The following DIP2A variants were observed in gnomAD, a reference collection of about 807,000 sequenced individuals.
DIP2A encodes the protein DIP2 acetate--CoA ligase A.
In DIP2A, 85 loss-of-function variants were observed where a neutral mutation model predicts 177.4. That is an observed-to-expected ratio of 0.48 (90% confidence interval 0.40 to 0.57). The LOEUF is 0.57. Among genes scored for constraint, DIP2A ranks in the 20% least tolerant of loss-of-function variants. The pLI is 0.00. For missense variants in DIP2A, 1,791 were observed against 2,100.2 expected (o/e 0.85, Z 2.88); for synonymous variants, 886 against 881.8 (o/e 1.00, Z -0.08).
At position 46,533,849 on chromosome 21, in the gene DIP2A, G is replaced by A. The variant is rs142113070; in HGVS notation, c.1430-155G>A. Among the ~76,000 whole-genome samples the A allele has an allele frequency of 2.5e-4, 38 of 152,338 alleles. No individual in the cohort carries two copies. The East Asian group carries it at 6.8e-3, about 27-fold the overall frequency. ...CTAATGTGGTAGCCACTGGCCGGAT[G>A]TACCTTTTTAAATTATATAAAATGA... is the stretch of plus-strand genomic sequence containing the variant. On this transcript the variant is annotated intron_variant, in intron 11 of 37. Transcript: ENST00000417564.
At chr21:46,528,567 T>G (rs960211964) in intron 8 of DIP2A, among the ~76,000 whole-genome samples, 1 of 111,770 alleles carries the variant, frequency 8.9e-6, no homozygotes, top group Non-Finnish European at 1.9e-5. Flanking sequence ...TTTTTTTTTT[T>G]TAGATAATGT....
In DIP2A at chr21:46,543,769, A is replaced by G. The variant is rs151151112; in HGVS notation, c.2177-1368A>G. On this transcript the variant is annotated intron_variant, in intron 18 of 37. Coordinates refer to ENST00000417564, the MANE Select transcript of DIP2A (RefSeq NM_015151.4). ...TTGCCCCATCTCTGCATGTGCTTGT[A>G]AGTGTTGTGTGGCACTGATGGCTGC... 2.4e-3 allele frequency among the ~76,000 whole-genome samples: 371 copies of G among 152,274 alleles called. 1 individual carries two copies. The highest frequency in any genetic ancestry group is 3.6e-3 in the Non-Finnish European group (248 of 68,028).
At chr21:46,531,005 A>G (rs559982050) in intron 9 of DIP2A, among the ~76,000 whole-genome samples, 1 of 152,304 alleles carries the variant, frequency 6.6e-6, no homozygotes, top group South Asian at 2.1e-4. Context: ...TGCAGGACTC[A>G]GAAACGTTTG....
chr21:46,528,986 A>C (rs963051076), intron 8 of DIP2A, 106 bp from the exon 9 acceptor site: 1 of 602,928 alleles, frequency 1.7e-6, no homozygotes, highest in Non-Finnish European at 2.7e-6. Context: ...CTAAATTTCC[A>C]CTAATGGGGT....
chr21:46,530,782 C>A (rs1306383757), intron 9 of DIP2A, among the ~76,000 whole-genome samples: 1 of 151,930 alleles, frequency 6.6e-6, no homozygotes, highest in South Asian at 2.1e-4. Flanking sequence ...TTGCATAATA[C>A]GAGGGGTACA....
At chr21:46,519,961 G>A (rs1389621358) in intron 8 of DIP2A, among the ~76,000 whole-genome samples, 3 of 130,548 alleles carry the variant, frequency 2.3e-5, no homozygotes, top group South Asian at 2.7e-4. Context: ...TGCAAGCTCC[G>A]CCTCCAGGGT....
chr21:46,498,921 C>T lies in DIP2A; in HGVS notation c.655+88C>T, dbSNP rs2148533208. The T allele has an allele frequency of 6.9e-7, 1 of 1,455,368 alleles. No homozygotes were observed. Among genetic ancestry groups the T allele is most frequent in the Non-Finnish European group, 9.1e-7 (1 of 1,099,200 alleles). 90.2% of individuals were successfully genotyped at this position (1,455,368 alleles called of 1,614,324 possible). A position where few individuals can be genotyped will look rare whatever the true frequency, so the allele number is the denominator to read the frequency against. On this transcript the variant is annotated intron_variant, in intron 5 of 37. Coordinates refer to ENST00000417564, the MANE Select transcript of DIP2A (RefSeq NM_015151.4). This position sits in a 1 kb window ranked among gnomAD's most constrained non-coding sequence, Gnocchi z 4.3. ...AGGAGCAGATGGAGGGCACCTGAGC[C>T]AGGCGCCACCCTGCAGACTTAGCTG...
intron 3 of DIP2A, among the ~76,000 whole-genome samples, chr21:46,495,460 G>A (rs927070839): frequency 6.6e-6 from 1 of 151,810 alleles, no homozygotes; most frequent in Non-Finnish European, 1.5e-5. Context: ...TAGAGACAGG[G>A]TTTCTCCATG....
chr21:46,477,169 A>C (rs2055923372), intron 1 of DIP2A, among the ~76,000 whole-genome samples: 1 of 152,026 alleles, frequency 6.6e-6, no homozygotes, highest in Non-Finnish European at 1.5e-5. Context: ...AGCAACATTG[A>C]CTTAAGCTTA....
rs766054626 is a variant in DIP2A, at chr21:46,567,518, G to A, written c.4612G>A (p.Gly1538Arg). 1 of 1,613,954 alleles carries A rather than the reference G, an allele frequency of 6.2e-7. No homozygotes were observed. The highest frequency in any genetic ancestry group is 1.7e-5 in the Admixed American group (1 of 60,020). Residue 1538 changes from glycine (G) to arginine (R), a missense_variant, in exon 38 of 38, where the codon GGG (glycine) becomes AGG (arginine). Coordinates refer to ENST00000417564, the MANE Select transcript of DIP2A (RefSeq NM_015151.4). The part of the protein sequence containing the change: ...VVGVVVIVDP[G>R]VIPINSRGEK... ...GGGAGTGGTGGTCATCGTGGACCCAGGGGTGATCCCTATCAACTCTCGGGG... is the reference window on the plus strand; with the variant it reads ...GGGAGTGGTGGTCATCGTGGACCCAAGGGTGATCCCTATCAACTCTCGGGG...
chr21:46,554,154 AGAT>A lies in DIP2A; in HGVS notation c.3031-14_3031-12del. The A allele has an allele frequency of 6.2e-7, 1 of 1,612,626 alleles. No individual in the cohort carries two copies. The highest frequency in any genetic ancestry group is 8.5e-7 in the Non-Finnish European group (1 of 1,179,046). ...CGCACCAGCATACAGATGAGCTCAA[AGAT>A]CGCTTTCCTAGGGCACCGTCACAAG... On this transcript the variant is annotated splice_polypyrimidine_tract_variant and intron_variant, in intron 25 of 37. Transcript: ENST00000417564.
intron 8 of DIP2A, among the ~76,000 whole-genome samples, chr21:46,514,617 CT>C (rs752628688): frequency 0.032 from 2,286 of 70,674 alleles, 25 homozygotes; most frequent in African/African-American, 0.12. Flanking sequence ...AACTTTTATT[CT>C]TTTTTTTTTT....
intron 9 of DIP2A, 23 bp from the exon 10 acceptor site, chr21:46,532,104 T>G: frequency 6.3e-7 from 1 of 1,595,280 alleles, no homozygotes; most frequent in Non-Finnish European, 8.5e-7. Context: ...ATTTGGAATA[T>G]TCATTTCTTT....
intron 7 of DIP2A, among the ~76,000 whole-genome samples, chr21:46,510,646 T>G (rs1670125009): frequency 1.9e-5 from 2 of 105,490 alleles, no homozygotes; most frequent in East Asian, 5.0e-4. Flanking sequence ...TTTTTTTTTT[T>G]TTGAGGCAGA....
chr21:46,562,149 G>A (rs972477800), intron 34 of DIP2A, among the ~76,000 whole-genome samples: 1 of 152,172 alleles, frequency 6.6e-6, no homozygotes, highest in African/African-American at 2.4e-5. Context: ...GTTAAATGGA[G>A]TGGCCCTGGC....
chr21:46,461,626 G>C (rs1019954849), intron 1 of DIP2A, among the ~76,000 whole-genome samples: 1 of 152,102 alleles, frequency 6.6e-6, no homozygotes, highest in African/African-American at 2.4e-5. Flanking sequence ...TGAAAGAAAT[G>C]TTTCCTATCT....
At chr21:46,520,958 T>C (rs1428078431) in intron 8 of DIP2A, among the ~76,000 whole-genome samples, 1 of 152,194 alleles carries the variant, frequency 6.6e-6, no homozygotes, top group Non-Finnish European at 1.5e-5. Context: ...TAGAGTATGA[T>C]GTTGGAAAGT....
At chr21:46,477,543 T>TTTTTTTTTTGTGTGTGTGTGTGTG (rs374607636) in intron 1 of DIP2A, among the ~76,000 whole-genome samples, 5 of 87,094 alleles carry the variant, frequency 5.7e-5, no homozygotes, top group African/African-American at 2.2e-4. Context: ...AAAAAAAGAT[T>TTTTTTTTTTGTGTGTGTGTGTGTG]TGTGTGTGTG....
intron 18 of DIP2A, among the ~76,000 whole-genome samples, chr21:46,543,387 G>T (rs1909477943): frequency 6.6e-6 from 1 of 152,190 alleles, no homozygotes. Flanking sequence ...ATTAGGACAG[G>T]ACATGCGTGC....
Sources: gnomAD v4.1 joint callset for allele counts (sites outside exome capture counted in the v4.1 genomes callset) on GRCh38, gnomAD v4.1.1 for gene constraint, Gnocchi (gnomAD v3.1) non-coding constraint, MANE v1.5 for transcripts, NCBI Gene and HGNC (gene_info 2026-07-23, HGNC 2026-07-21) for gene names.